AATF: variants seen among roughly 807,000 people sequenced by gnomAD.
AATF encodes protein AATF.
AATF carries 48 observed loss-of-function variants against 63.7 expected under a neutral mutation model. The ratio of observed to expected loss-of-function variants is 0.75; its 90% CI spans 0.60 to 0.96. AATF has a LOEUF of 0.96. AATF is among the 40% of genes least tolerant of loss of function. The pLI is 0.00. For missense variants in AATF, 639 were observed against 685.7 expected (o/e 0.93, Z 0.76); for synonymous variants, 258 against 247.7 (o/e 1.04, Z -0.39).
intron 4 of AATF, among the ~76,000 whole-genome samples, chr17:36,974,418 T>C (rs2071064255): frequency 6.6e-6 from 1 of 152,202 alleles, no homozygotes; most frequent in African/African-American, 2.4e-5. Context: ...CAGGTTTTCA[T>C]TTTTATAAAT....
chr17:37,046,004 G>A (rs2071687031), intron 11 of AATF: 1 of 152,010 alleles, frequency 6.6e-6, no homozygotes, highest in African/African-American at 2.4e-5. Flanking sequence ...CAGATTGAGA[G>A]CAGCCTTTTT....
At chr17:36,972,724 A>G (rs1344160577) in intron 4 of AATF, among the ~76,000 whole-genome samples, 1 of 149,626 alleles carries the variant, frequency 6.7e-6, no homozygotes, top group Non-Finnish European at 1.5e-5. Flanking sequence ...TGCATTTATC[A>G]TGATTGCTGT....
At chr17:37,039,615 A>G (rs1220544606) in intron 11 of AATF, among the ~76,000 whole-genome samples, 1 of 152,166 alleles carries the variant, frequency 6.6e-6, no homozygotes, top group Non-Finnish European at 1.5e-5. Flanking sequence ...AGCAGTGCTG[A>G]GGGGAAAGGA....
intron 10 of AATF, among the ~76,000 whole-genome samples, chr17:37,031,077 C>T (rs1366990313): frequency 6.6e-6 from 1 of 152,076 alleles, no homozygotes; most frequent in Non-Finnish European, 1.5e-5. Context: ...TCTCCTGTAG[C>T]ATTAGGGAAA....
chr17:37,038,170 AT>A (rs1656554117), intron 11 of AATF, among the ~76,000 whole-genome samples: 1 of 152,196 alleles, frequency 6.6e-6, no homozygotes, highest in South Asian at 2.1e-4. Context: ...AATAAAATAA[AT>A]GCAGATGATC....
intron 2 of AATF, among the ~76,000 whole-genome samples, chr17:36,952,065 T>C (rs931380085): frequency 1.3e-5 from 2 of 152,236 alleles, no homozygotes; most frequent in Non-Finnish European, 2.9e-5. Flanking sequence ...TAGGATCAAG[T>C]TCAGAGTCCT....
chr17:36,986,636 A>C lies in AATF; in HGVS notation c.852A>C (p.Ala284=). ...TCCCAGGTCACAAGGCACTTAAAGC[A>C]TTGTTGAGGTCATTGGTAGGTCTTC... is the stretch of plus-strand genomic sequence containing the variant. ...ALKNSHKALK[A]LLRSLVGLQE... The change falls in exon 5 of 12, where the codon GCA becomes GCC. Residue 284 remains alanine (A), a synonymous_variant. Transcript: ENST00000619387. 6.2e-7 allele frequency: 1 copy of C among 1,613,990 alleles called. No homozygotes were observed. The highest frequency in any genetic ancestry group is 8.5e-7 in the Non-Finnish European group (1 of 1,179,888).
chr17:36,964,170 C>CTT (rs36064518), intron 4 of AATF, among the ~76,000 whole-genome samples: 85 of 101,370 alleles, frequency 8.4e-4, no homozygotes, highest in African/African-American at 2.9e-3. Flanking sequence ...GGGTGTTTTG[C>CTT]TTTTTTTTTT....
At chr17:37,042,833 C>G (rs953345458) in intron 11 of AATF, among the ~76,000 whole-genome samples, 1 of 151,170 alleles carries the variant, frequency 6.6e-6, no homozygotes, top group Non-Finnish European at 1.5e-5. Flanking sequence ...GCTCCTCCTC[C>G]CGGGTTCACG....
At chr17:37,020,264 A>G (rs1162981513) in intron 9 of AATF, among the ~76,000 whole-genome samples, 1 of 152,130 alleles carries the variant, frequency 6.6e-6, no homozygotes, top group Non-Finnish European at 1.5e-5. Flanking sequence ...AGACTGACTG[A>G]ATATTTGATA....
chr17:36,953,432 A>G, intron 3 of AATF, 136 bp downstream of exon 3: 2 of 1,428,790 alleles, frequency 1.4e-6, no homozygotes, highest in Non-Finnish European at 1.9e-6. Context: ...CTTACCCAGA[A>G]GCCTAAAGCC....
At chr17:37,013,552 T>C (rs2071407287) in intron 8 of AATF, among the ~76,000 whole-genome samples, 2 of 152,128 alleles carry the variant, frequency 1.3e-5, no homozygotes, top group Admixed American at 6.5e-5. Context: ...GACTGAGGCA[T>C]GCCAGGCTCT....
At chr17:36,979,186 T>C (rs2071101992) in intron 4 of AATF, among the ~76,000 whole-genome samples, 1 of 152,160 alleles carries the variant, frequency 6.6e-6, no homozygotes, top group African/African-American at 2.4e-5. Flanking sequence ...TGATTGATGC[T>C]GAGCCTGCCT....
chr17:37,035,729 G>A (rs1239277456), intron 11 of AATF, among the ~76,000 whole-genome samples: 1 of 152,040 alleles, frequency 6.6e-6, no homozygotes, highest in Non-Finnish European at 1.5e-5. Flanking sequence ...TTACTGGCGT[G>A]AGCCACCATG....
At chr17:37,051,909 G>T (rs1321294572) in intron 11 of AATF, among the ~76,000 whole-genome samples, 1 of 152,144 alleles carries the variant, frequency 6.6e-6, no homozygotes, top group Non-Finnish European at 1.5e-5. Context: ...CAGTTTAAAA[G>T]AAATAAAAAT....
chr17:37,036,288 G>T (rs566494736), intron 11 of AATF, among the ~76,000 whole-genome samples: 1 of 152,192 alleles, frequency 6.6e-6, no homozygotes, highest in African/African-American at 2.4e-5. Context: ...GGTTTTGGTG[G>T]GGTGTCCAGT....
At chr17:37,017,693 A>G (rs2071438523) in intron 8 of AATF, among the ~76,000 whole-genome samples, 1 of 152,202 alleles carries the variant, frequency 6.6e-6, no homozygotes, top group Non-Finnish European at 1.5e-5. Flanking sequence ...TAATGTCCAA[A>G]ATAAGCAAAT....
In AATF at chr17:36,953,038, A is replaced by G. The variant is rs764440640; in HGVS notation, c.436A>G (p.Thr146Ala). ...GAAGAGCAGAAGCCACTCTGCAAAA[A>G]CACCGGGCTTCAGTGTCCAGAGTAT... Reference protein sequence around the residue: ...SKKSRSHSAKTPGFSVQSISD... With the variant: ...SKKSRSHSAKAPGFSVQSISD... The change falls in exon 3 of 12, where the codon ACA becomes GCA. Residue 146 changes from threonine to alanine, a missense_variant. By Grantham distance (58) the Thr-to-Ala change is moderately conservative. Coordinates refer to ENST00000619387, the MANE Select transcript of AATF (RefSeq NM_012138.4). The G allele has an allele frequency of 5.6e-6, 9 of 1,614,034 alleles. No homozygotes were observed. The South Asian group carries it at 9.9e-5, about 18-fold the overall frequency.
At chr17:36,966,546 G>A (rs189665707) in intron 4 of AATF, among the ~76,000 whole-genome samples, 17 of 152,264 alleles carry the variant, frequency 1.1e-4, no homozygotes, top group African/African-American at 4.1e-4. Context: ...GGGATTACAG[G>A]TGTGAACCGC....
Sources: allele counts gnomAD v4.1 joint callset (sites outside exome capture counted in the v4.1 genomes callset), GRCh38; gene constraint gnomAD v4.1.1; transcripts MANE v1.5; gene names NCBI Gene and HGNC (gene_info 2026-07-23, HGNC 2026-07-21).